CORIN: variants seen among roughly 807,000 people sequenced by gnomAD.
CORIN encodes the protein atrial natriuretic peptide-converting enzyme.
Under a neutral mutation model 125.3 loss-of-function variants are expected in CORIN, and 117 were observed. The ratio of observed to expected loss-of-function variants is 0.93; its 90% confidence interval spans 0.80 to 1.09. CORIN has a LOEUF of 1.09. CORIN is among the 50% of genes least tolerant of loss of function. The pLI, the probability that CORIN is intolerant of heterozygous loss-of-function variation, is 0.00. For missense variants in CORIN, 1,253 were observed against 1,306.7 expected, an observed-to-expected ratio of 0.96 and a Z score of 0.63; for synonymous variants, 450 against 466.4, an observed-to-expected ratio of 0.96 and a Z score of 0.45.
intron 3 of CORIN, among the ~76,000 whole-genome samples, chr4:47,780,982 AAC>A (rs1730518874): frequency 1.3e-5 from 2 of 151,954 alleles, no homozygotes; most frequent in Admixed American, 6.6e-5. Context: ...AAAAAAACTA[AAC>A]ACAAAAGAAG....
intron 21 of CORIN, among the ~76,000 whole-genome samples, chr4:47,597,478 TGCAAGGA>T (rs1721300814): frequency 6.6e-6 from 1 of 152,190 alleles, no homozygotes; most frequent in Non-Finnish European, 1.5e-5. Flanking sequence ...GCATAGAACT[TGCAAGGA>T]GCTGAATTTT....
At chr4:47,700,335 C>A (rs528124795) in intron 5 of CORIN, among the ~76,000 whole-genome samples, 1 of 152,076 alleles carries the variant, frequency 6.6e-6, no homozygotes, top group Non-Finnish European at 1.5e-5. Flanking sequence ...GACACCTGGA[C>A]CCACAAATGA....
At chr4:47,715,225 C>G (rs1326148141) in intron 5 of CORIN, among the ~76,000 whole-genome samples, 2 of 152,160 alleles carry the variant, frequency 1.3e-5, no homozygotes, top group Admixed American at 1.3e-4. Flanking sequence ...CTGATTACAA[C>G]TGAAAACATG....
At chr4:47,836,177 T>C (rs376478458) in intron 1 of CORIN, among the ~76,000 whole-genome samples, 110 of 152,284 alleles carry the variant, frequency 7.2e-4, no homozygotes, top group African/African-American at 2.5e-3. Flanking sequence ...ACATCTCCTC[T>C]AACCTCGCAA....
At chr4:47,792,850 C>G (rs1228391044) in intron 2 of CORIN, among the ~76,000 whole-genome samples, 1 of 152,190 alleles carries the variant, frequency 6.6e-6, no homozygotes, top group African/African-American at 2.4e-5. Flanking sequence ...CCTGAAGGAC[C>G]TCGATGAGCA....
rs748677860 is a variant in CORIN, at chr4:47,642,046, G to A, written c.2072C>T (p.Thr691Ile). 1.2e-6 allele frequency: 2 copies of A among 1,612,426 alleles called. No homozygotes were observed. Among genetic ancestry groups the A allele is most frequent in the Non-Finnish European group, 1.7e-6 (2 of 1,179,188 alleles). Residue 691 changes from threonine to isoleucine, a missense_variant, in exon 16 of 22, where the codon ACC becomes ATC. Physicochemically the swap from Thr to Ile is moderately conservative, Grantham distance 89. Transcript: ENST00000273857. ...SDSSDEWDCVTLSINVNSSSF... is the reference protein window; with the variant it reads ...SDSSDEWDCVILSINVNSSSF... ...AGAGGAGTTCACATTTATAGAGAGG[G>A]TCACTAGGGAAAGAAAAGACAAGGG...
intron 14 of CORIN, 21 bp downstream of exon 14, chr4:47,645,060 C>A: frequency 7.0e-7 from 1 of 1,420,084 alleles, no homozygotes; most frequent in Non-Finnish European, 9.9e-7. Flanking sequence ...GCTCTGTTGA[C>A]AAATTCGCAT....
At chr4:47,778,392 G>C (rs1199199459) in intron 3 of CORIN, among the ~76,000 whole-genome samples, 1 of 152,168 alleles carries the variant, frequency 6.6e-6, no homozygotes, top group Admixed American at 6.5e-5. Flanking sequence ...CCAAAGGAGA[G>C]TGAAACAGTC....
intron 4 of CORIN, among the ~76,000 whole-genome samples, chr4:47,755,104 G>C (rs1729076271): frequency 6.6e-6 from 1 of 152,124 alleles, no homozygotes; most frequent in Admixed American, 6.5e-5. Context: ...CCTTACCCTA[G>C]TGTCTCCAGT....
At chr4:47,797,292 T>A (rs1731339336) in intron 2 of CORIN, among the ~76,000 whole-genome samples, 1 of 150,748 alleles carries the variant, frequency 6.6e-6, no homozygotes, top group South Asian at 2.1e-4. Flanking sequence ...ATGTAAAATT[T>A]GAGGAAGGTA....
chr4:47,750,931 A>C lies in CORIN; in HGVS notation c.618-6348T>G, dbSNP rs189307563. Among the ~76,000 whole-genome samples the C allele has an allele frequency of 5.3e-5, 8 of 152,354 alleles. No homozygotes were observed. The East Asian group carries it at 1.2e-3, about 22-fold the overall frequency. On this transcript the variant is annotated intron_variant, in intron 4 of 21. Transcript: ENST00000273857. ...CCTTGCACCTAGTGAAAGTTCAGCA[A>C]ATACTTGTCAAGGGATGAAACACAG...
At chr4:47,646,150 T>C (rs1723474323) in intron 13 of CORIN, among the ~76,000 whole-genome samples, 1 of 151,978 alleles carries the variant, frequency 6.6e-6, no homozygotes. Flanking sequence ...CTGAGTGAAA[T>C]TGCTGTCAAT....
chr4:47,713,659 T>C (rs1309652720), intron 5 of CORIN, among the ~76,000 whole-genome samples: 2 of 152,090 alleles, frequency 1.3e-5, no homozygotes, highest in African/African-American at 4.8e-5. Context: ...TTCTCCACGA[T>C]GTAATCACAG....
At position 47,815,266 on chromosome 4, in the gene CORIN, G is replaced by GA. The variant is rs200918329; in HGVS notation, c.64-8220dup. ...GAAATTAGTAAAGCAAAAGAAAAATGAAAAAAAAATGTTTCTTTCAAGTTC... is the reference window on the plus strand; with the variant it reads ...GAAATTAGTAAAGCAAAAGAAAAATGAAAAAAAAAATGTTTCTTTCAAGTTC... On this transcript the variant is annotated intron_variant, in intron 1 of 21. Coordinates refer to ENST00000273857, the MANE Select transcript of CORIN (RefSeq NM_006587.4). Among the ~76,000 whole-genome samples the GA allele has an allele frequency of 2.1e-3, 306 of 149,242 alleles. 2 individuals are homozygous for GA. The highest frequency in any genetic ancestry group is 5.3e-3 in the African/African-American group (217 of 40,774).
At chr4:47,745,819 T>C (rs1728638364) in intron 4 of CORIN, among the ~76,000 whole-genome samples, 1 of 152,198 alleles carries the variant, frequency 6.6e-6, no homozygotes, top group Admixed American at 6.5e-5. Flanking sequence ...AAAATAATCT[T>C]AGGGCAGAGA....
intron 12 of CORIN, among the ~76,000 whole-genome samples, chr4:47,655,373 G>A (rs1415957077): frequency 6.6e-6 from 1 of 152,106 alleles, no homozygotes; most frequent in East Asian, 1.9e-4. Flanking sequence ...GTGAATTCTT[G>A]GGGTCTCTAA....
chr4:47,596,480 A>G (rs1269585365), intron 21 of CORIN, among the ~76,000 whole-genome samples: 2 of 152,218 alleles, frequency 1.3e-5, no homozygotes, highest in Non-Finnish European at 2.9e-5. Context: ...TAAAATTATA[A>G]TGAATCATTA....
At chr4:47,646,136 C>T (rs1723473965) in intron 13 of CORIN, among the ~76,000 whole-genome samples, 1 of 150,262 alleles carries the variant, frequency 6.7e-6, no homozygotes, top group Admixed American at 6.7e-5. Context: ...GTTCCCTTTT[C>T]TTTCTGAGTG....
chr4:47,724,662 A>T (rs1475166522), intron 5 of CORIN, among the ~76,000 whole-genome samples: 1 of 152,236 alleles, frequency 6.6e-6, no homozygotes, highest in East Asian at 1.9e-4. Flanking sequence ...TGTAACAGTC[A>T]AAAAGTAATA....
Sources: gnomAD v4.1 joint callset for allele counts (sites outside exome capture counted in the v4.1 genomes callset) on GRCh38, gnomAD v4.1.1 for gene constraint, MANE v1.5 for transcripts, NCBI Gene and HGNC (gene_info 2026-07-23, HGNC 2026-07-21) for gene names.